Variants in G3BP2 observed in about 807,000 individuals in gnomAD.
G3BP2 encodes G3BP stress granule assembly factor 2.
G3BP2 carries 11 observed loss-of-function variants against 56.7 expected under a neutral mutation model. That is an observed-to-expected ratio of 0.19 (90% confidence interval 0.12 to 0.32). The LOEUF (loss-of-function observed/expected upper bound fraction) is 0.32, where lower values mean the gene tolerates loss of function less well. Ranked by LOEUF, G3BP2 falls within the 10% of genes least tolerant of loss-of-function variation. G3BP2 has a pLI of 1.00. For missense variants in G3BP2, 340 were observed against 610.9 expected, an observed-to-expected ratio of 0.56 and a Z score of 4.67; for synonymous variants, 165 against 191.6, an observed-to-expected ratio of 0.86 and a Z score of 1.15.
At chr4:75,667,387 C>T (rs963595650) in intron 1 of G3BP2, among the ~76,000 whole-genome samples, 1 of 151,900 alleles carries the variant, frequency 6.6e-6, no homozygotes, top group African/African-American at 2.4e-5. Context: ...AGATAACTAC[C>T]ATCTTCAATA....
chr4:75,658,025 A>G (rs1732243082), intron 3 of G3BP2, among the ~76,000 whole-genome samples: 1 of 152,188 alleles, frequency 6.6e-6, no homozygotes, highest in Non-Finnish European at 1.5e-5. Flanking sequence ...GAACTTACAC[A>G]TAATTTTACT....
At chr4:75,674,791 T>C (rs1013733507), upstream of G3BP2, among the ~76,000 whole-genome samples, 1 of 147,740 alleles carries the variant, frequency 6.8e-6, no homozygotes, top group Admixed American at 6.9e-5. Flanking sequence ...GGCACGGTCT[T>C]GGCTCACTGC....
upstream of G3BP2, chr4:75,673,604 G>C (rs1733703200): frequency 8.1e-7 from 1 of 1,231,652 alleles, no homozygotes; most frequent in Admixed American, 4.2e-5. Flanking sequence ...CCGGGGAACC[G>C]GAACCGGCCT....
chr4:75,673,570 TCG>T, upstream of G3BP2: 1 of 1,231,904 alleles, frequency 8.1e-7, no homozygotes. Flanking sequence ...GCTGCCGCGC[TCG>T]CACACGCTCG....
At chr4:75,660,817 T>C (rs752983895) in intron 2 of G3BP2, among the ~76,000 whole-genome samples, 9 of 151,994 alleles carry the variant, frequency 5.9e-5, no homozygotes, top group Non-Finnish European at 1.2e-4. Context: ...CTTGTAAGAG[T>C]TTCACCTATC....
At chr4:75,695,415 C>T (rs983166347) in intron 3 of G3BP2, among the ~76,000 whole-genome samples, 1 of 152,126 alleles carries the variant, frequency 6.6e-6, no homozygotes, top group African/African-American at 2.4e-5. Context: ...GTCTGAGGGT[C>T]AAGACAGAAG....
At chr4:75,676,883 C>A (rs999256816), upstream of G3BP2, among the ~76,000 whole-genome samples, 2 of 152,136 alleles carry the variant, frequency 1.3e-5, no homozygotes, top group African/African-American at 4.8e-5. Flanking sequence ...TAGTCCTTAC[C>A]TATTACTTCC....
intron 10 of G3BP2, 38 bp downstream of exon 10, chr4:75,646,981 TTAATTTAAAA>T: frequency 7.9e-7 from 1 of 1,265,580 alleles, no homozygotes; most frequent in African/African-American, 1.5e-5. Flanking sequence ...TGCCTCTTGC[TTAATTTAAAA>T]TAATTTAAAA....
chr4:75,696,046 C>T (rs900333966), intron 3 of G3BP2, among the ~76,000 whole-genome samples: 1 of 150,214 alleles, frequency 6.7e-6, no homozygotes. Context: ...CCTACAGCTT[C>T]ACAGAAGCGA....
chr4:75,720,836 T>A (rs1222489177), intron 3 of G3BP2, among the ~76,000 whole-genome samples: 1 of 130,466 alleles, frequency 7.7e-6, no homozygotes, highest in South Asian at 2.3e-4. Context: ...AATAAATAAA[T>A]AAATAAAAAT....
intron 10 of G3BP2, 150 bp from the exon 11 acceptor site, chr4:75,646,606 T>C (rs1731224541): frequency 1.6e-6 from 1 of 624,012 alleles, no homozygotes; most frequent in Admixed American, 3.0e-5. Context: ...CAAGGTACGT[T>C]TACTCAAGCA....
chr4:75,710,436 T>C (rs1357717976), intron 3 of G3BP2, among the ~76,000 whole-genome samples: 2 of 152,222 alleles, frequency 1.3e-5, no homozygotes, highest in Admixed American at 6.5e-5. Context: ...TCATAAATTA[T>C]GTACTTCCCC....
chr4:75,681,266 G>A (rs945580913), intron 3 of G3BP2, among the ~76,000 whole-genome samples: 5 of 152,058 alleles, frequency 3.3e-5, no homozygotes, highest in African/African-American at 9.7e-5. Flanking sequence ...AGAGGTTGCA[G>A]TGAGCCGAGA....
At chr4:75,685,171 C>T (rs751833030) in intron 3 of G3BP2, among the ~76,000 whole-genome samples, 7 of 149,562 alleles carry the variant, frequency 4.7e-5, no homozygotes, top group Non-Finnish European at 1.0e-4. Flanking sequence ...AAAATAAACA[C>T]TTTTTTAAAA....
At position 75,643,320 on chromosome 4, in the gene G3BP2, A is replaced by ATATATATATAT. The variant is rs1730997452; in HGVS notation, c.*2109_*2110insATATATATATA. The ATATATATATAT allele has an allele frequency of 1.1e-5, 1 of 95,060 alleles. No individual in the cohort carries two copies. 5.9% of individuals were successfully genotyped at this position (95,060 alleles called of 1,614,324 possible). On this transcript the variant is annotated 3_prime_UTR_variant, in exon 12 of 12. Transcript: ENST00000359707. ...TTATATATATATATATATATATGGA[A>ATATATATATAT]ACAGAAATACAAGAAAATATGCTTG... is the stretch of plus-strand genomic sequence containing the variant.
chr4:75,710,231 G>A (rs1042152230), intron 3 of G3BP2, among the ~76,000 whole-genome samples: 8 of 152,044 alleles, frequency 5.3e-5, no homozygotes, highest in Non-Finnish European at 7.4e-5. Context: ...CCAAAGTGCT[G>A]GGATTACAGA....
intron 8 of G3BP2, chr4:75,649,000 T>A (rs966988122): frequency 3.6e-6 from 1 of 278,188 alleles, no homozygotes; most frequent in Admixed American, 4.7e-5. Context: ...CATTTTTTCA[T>A]TAAAGTTATA....
upstream of G3BP2, among the ~76,000 whole-genome samples, chr4:75,676,191 C>T (rs1029239478): frequency 6.6e-6 from 1 of 152,188 alleles, no homozygotes; most frequent in Non-Finnish European, 1.5e-5. Context: ...AACTAATCTC[C>T]CTGCCTCTCA....
chr4:75,659,680 T>C (rs1732397805), intron 2 of G3BP2, among the ~76,000 whole-genome samples: 1 of 152,210 alleles, frequency 6.6e-6, no homozygotes, highest in South Asian at 2.1e-4. Context: ...CTGATTCACT[T>C]AACTTTCTTA....
Sources: allele counts gnomAD v4.1 joint callset (sites outside exome capture counted in the v4.1 genomes callset), GRCh38; gene constraint gnomAD v4.1.1; transcripts MANE v1.5; gene names NCBI Gene and HGNC (gene_info 2026-07-23, HGNC 2026-07-21).